SEC61A1: variants seen among roughly 807,000 people sequenced by gnomAD.
SEC61A1 encodes protein transport protein Sec61 subunit alpha isoform 1.
A neutral mutation model predicts 55.2 loss-of-function variants in SEC61A1; 15 were observed. The observed-to-expected ratio is 0.27, with a 90% confidence interval of 0.18 to 0.42. The LOEUF (loss-of-function observed/expected upper bound fraction) is 0.42, where lower values mean the gene tolerates loss of function less well. Among genes scored for constraint, SEC61A1 ranks in the 10% least tolerant of loss-of-function variants. The pLI is 1.00. For missense variants in SEC61A1, 284 were observed against 602.6 expected (o/e 0.47, Z 5.53); for synonymous variants, 247 against 234.0 (o/e 1.06, Z -0.51).
intron 11 of SEC61A1, among the ~76,000 whole-genome samples, 178 bp downstream of exon 11, chr3:128,068,237 G>A (rs528640121): frequency 2.4e-4 from 36 of 152,362 alleles, no homozygotes; most frequent in Admixed American, 2.0e-3. Flanking sequence ...CACTGGAGAC[G>A]TAAAAATAAA....
At chr3:128,060,305 C>G in intron 6 of SEC61A1, 94 bp downstream of exon 6, 1 of 1,120,668 alleles carries the variant, frequency 8.9e-7, no homozygotes. Flanking sequence ...AAAGGAACTC[C>G]TACTGAAAGG....
At chr3:128,059,550 T>C (rs982936766) in intron 5 of SEC61A1, among the ~76,000 whole-genome samples, 2 of 151,676 alleles carry the variant, frequency 1.3e-5, no homozygotes, top group African/African-American at 4.8e-5. Flanking sequence ...AAATCAATGG[T>C]ACGTGGGGTT....
At chr3:128,059,209 C>T (rs1358218880) in intron 5 of SEC61A1, among the ~76,000 whole-genome samples, 1 of 151,826 alleles carries the variant, frequency 6.6e-6, no homozygotes, top group South Asian at 2.1e-4. Context: ...AGGCGTGGCT[C>T]ATGTCTGTAA....
At chr3:128,066,857 C>G (rs1941997108) in intron 8 of SEC61A1, 97 bp from the exon 9 acceptor site, 1 of 1,188,984 alleles carries the variant, frequency 8.4e-7, no homozygotes, top group Admixed American at 2.0e-5. Flanking sequence ...GATTTCCTCC[C>G]TTGTGGCCCA....
In SEC61A1 at chr3:128,071,350, ACTGCCCTGT is replaced by A. The variant is rs1942162372; in HGVS notation, c.*1693_*1701del. On this transcript the variant is annotated 3_prime_UTR_variant, in exon 12 of 12. Transcript: ENST00000243253. ...GCCCTCCTACCCACATGGTTCTCCC[ACTGCCCTGT>A]CTGCTCTGCTGCTACAGAGGGGCAG... 6.6e-6 allele frequency: 1 copy of A among 152,492 alleles called. No homozygotes were observed. The highest frequency in any genetic ancestry group is 1.5e-5 in the Non-Finnish European group (1 of 68,150). The allele number at this position is 152,492 out of a possible 1,614,324, so 9.4% of individuals were successfully genotyped here.
rs1941926653 is a variant in SEC61A1 at position 128,065,169 on chromosome 3, G to A, written c.777+132G>A. ...TTGAAACGATGAGATGGTATTTGAAGGCAGCAGGTTTCCAGATGAGCTGGA... is the reference window on the plus strand; with the variant it reads ...TTGAAACGATGAGATGGTATTTGAAAGCAGCAGGTTTCCAGATGAGCTGGA... On this transcript the variant is annotated intron_variant, in intron 8 of 11. Coordinates refer to ENST00000243253, the MANE Select transcript of SEC61A1 (RefSeq NM_013336.4). 3 of 1,048,432 alleles carry A rather than the reference G, an allele frequency of 2.9e-6. No homozygotes were observed. The African/African-American group carries it at 4.7e-5, about 16-fold the overall frequency. The allele number at this position is 1,048,432 out of a possible 1,614,324, so 64.9% of individuals were successfully genotyped here.
chr3:128,060,781 T>A, intron 7 of SEC61A1, 120 bp downstream of exon 7: 1 of 1,074,164 alleles, frequency 9.3e-7, no homozygotes, highest in Non-Finnish European at 1.3e-6. Context: ...TAGGTTTATC[T>A]CTTCTGGTGT....
chr3:128,056,350 C>T (rs776971573), intron 4 of SEC61A1, among the ~76,000 whole-genome samples: 1 of 152,116 alleles, frequency 6.6e-6, no homozygotes, highest in African/African-American at 2.4e-5. Flanking sequence ...GGCTCCTTTT[C>T]CAGACTCTGG....
intron 7 of SEC61A1, 93 bp from the exon 8 acceptor site, chr3:128,064,780 AGTTT>A: frequency 9.2e-7 from 1 of 1,088,482 alleles, no homozygotes; most frequent in Non-Finnish European, 1.3e-6. Context: ...TAATAACTTA[AGTTT>A]GTTTTCCTCT....
At chr3:128,063,614 C>T (rs1941884912) in intron 7 of SEC61A1, among the ~76,000 whole-genome samples, 1 of 152,208 alleles carries the variant, frequency 6.6e-6, no homozygotes. Flanking sequence ...GGATTACAGG[C>T]GTGAGCCACC....
At chr3:128,060,420 T>A (rs1941834928) in intron 6 of SEC61A1, 88 bp from the exon 7 acceptor site, 1 of 1,411,010 alleles carries the variant, frequency 7.1e-7, no homozygotes, top group Non-Finnish European at 9.9e-7. Flanking sequence ...GTCTTCAGCG[T>A]TTATATCAGA....
chr3:128,065,101 G>C (rs754918599), intron 8 of SEC61A1, 64 bp downstream of exon 8: 5 of 1,525,122 alleles, frequency 3.3e-6, no homozygotes, highest in Non-Finnish European at 4.5e-6. Flanking sequence ...AATGCCTTGT[G>C]TGCAGTCCCC....
At chr3:128,068,369 C>T (rs1031208764) in intron 11 of SEC61A1, among the ~76,000 whole-genome samples, 36 of 152,178 alleles carry the variant, frequency 2.4e-4, no homozygotes, top group African/African-American at 8.4e-4. Context: ...GGCAGCGGGA[C>T]CCTCACCCTG....
intron 5 of SEC61A1, among the ~76,000 whole-genome samples, chr3:128,057,602 AC>A (rs71153112): frequency 1 from 152,188 of 152,222 alleles, 76,077 homozygotes; most frequent in Middle Eastern, 1. Context: ...CACGCCTGTA[AC>A]CCCCAGCACT....
chr3:128,052,600 C>A, intron 1 of SEC61A1, 41 bp downstream of exon 1: 1 of 1,583,336 alleles, frequency 6.3e-7, no homozygotes, highest in Non-Finnish European at 8.6e-7. Context: ...CGGGACGGAA[C>A]AGATCCCCCT....
rs991692537 is a variant in SEC61A1 at position 128,067,007 on chromosome 3, C to T, written c.831C>T (p.Asn277=). The T allele has an allele frequency of 6.2e-7, 1 of 1,614,210 alleles. No homozygotes were observed. ...IKSARYRGQY[N]TYPIKLFYTS... ...CGGCCCGCTACCGTGGCCAGTACAA[C>T]ACCTATCCCATCAAGCTCTTCTATA... Residue 277 remains asparagine, a synonymous_variant, in exon 9 of 12, where the codon AAC becomes AAT. Transcript: ENST00000243253. This position sits in a 1 kb window ranked among gnomAD's most constrained non-coding sequence, Gnocchi z 4.1.
At chr3:128,052,317 G>C (rs940912333), upstream of SEC61A1, 6 of 380,692 alleles carry the variant, frequency 1.6e-5, no homozygotes, top group African/African-American at 4.4e-5. Flanking sequence ...CGGCGAAGCG[G>C]CGCGGCGCGG....
At chr3:128,051,893 A>G (rs1166661163), upstream of SEC61A1, 8 of 1,536,010 alleles carry the variant, frequency 5.2e-6, no homozygotes, top group Non-Finnish European at 7.0e-6. Flanking sequence ...TTAATGACTC[A>G]GACAGCGAGG....
intron 11 of SEC61A1, among the ~76,000 whole-genome samples, chr3:128,069,106 AAAG>A (rs1417665292): frequency 1.3e-5 from 2 of 152,266 alleles, no homozygotes. Flanking sequence ...AAAAAAGTAA[AAAG>A]AAACAGGTGA....
Sources: gnomAD v4.1 joint callset for allele counts (sites outside exome capture counted in the v4.1 genomes callset) on GRCh38, gnomAD v4.1.1 for gene constraint, Gnocchi (gnomAD v3.1) non-coding constraint, MANE v1.5 for transcripts, NCBI Gene and HGNC (gene_info 2026-07-23, HGNC 2026-07-21) for gene names.